Variants in SUSD5 observed in about 807,000 individuals in gnomAD.
The protein encoded by SUSD5 is sushi domain-containing protein 5.
A neutral mutation model predicts 29.5 loss-of-function variants in SUSD5; 33 were observed. The observed-to-expected ratio is 1.12, with a 90% CI of 0.85 to 1.49. The LOEUF is 1.49. Ranked by LOEUF, SUSD5 falls within the 40% of genes most tolerant of loss-of-function variation. SUSD5 has a pLI of 0.00. For synonymous variants in SUSD5, 308 were observed against 325.3 expected (o/e 0.95, Z 0.57); for missense variants, 776 against 800.6 (o/e 0.97, Z 0.37).
At chr3:33,208,184 G>C (rs972249445) in intron 2 of SUSD5, among the ~76,000 whole-genome samples, 1 of 151,870 alleles carries the variant, frequency 6.6e-6, no homozygotes, top group Non-Finnish European at 1.5e-5. Flanking sequence ...AGATTATGTT[G>C]GTTTTTATTT....
intron 3 of SUSD5, among the ~76,000 whole-genome samples, chr3:33,176,380 A>G (rs1412000805): frequency 1.3e-5 from 2 of 152,170 alleles, no homozygotes; most frequent in Non-Finnish European, 2.9e-5. Context: ...TGACTGCTGG[A>G]TTGTATGGGA....
At chr3:33,175,676 T>C (rs975218301) in intron 3 of SUSD5, among the ~76,000 whole-genome samples, 11 of 152,140 alleles carry the variant, frequency 7.2e-5, no homozygotes, top group African/African-American at 2.4e-4. Flanking sequence ...TTGAGTACCC[T>C]GCTTTTAAAA....
intron 3 of SUSD5, among the ~76,000 whole-genome samples, chr3:33,189,937 G>A (rs1242173927): frequency 6.6e-6 from 1 of 152,100 alleles, no homozygotes; most frequent in Non-Finnish European, 1.5e-5. Context: ...ATTTTAAGAT[G>A]ACATTCACCA....
chr3:33,215,109 A>T (rs955402903), intron 1 of SUSD5, among the ~76,000 whole-genome samples: 18 of 152,006 alleles, frequency 1.2e-4, no homozygotes, highest in South Asian at 2.1e-4. Context: ...ACAAAAAAAA[A>T]TTTTAAATAA....
intron 4 of SUSD5, among the ~76,000 whole-genome samples, chr3:33,162,660 T>C (rs962967471): frequency 2.6e-5 from 4 of 152,162 alleles, no homozygotes; most frequent in African/African-American, 7.2e-5. Flanking sequence ...AAAATTTATA[T>C]CCAGGAAGCT....
intron 3 of SUSD5, among the ~76,000 whole-genome samples, chr3:33,198,210 T>C (rs1225295253): frequency 6.6e-6 from 1 of 152,262 alleles, no homozygotes; most frequent in Non-Finnish European, 1.5e-5. Flanking sequence ...GGTGTTACTC[T>C]GTGCTATGCA....
rs191433363 is a variant in SUSD5, at chr3:33,199,519, C to T, written c.409+8289G>A. 7.0e-3 allele frequency among the ~76,000 whole-genome samples: 1,071 copies of T among 152,252 alleles called. 9 individuals carry two copies. Among genetic ancestry groups the T allele is most frequent in the African/African-American group, 0.024 (1,005 of 41,556 alleles). On this transcript the variant is annotated intron_variant, in intron 3 of 4. Coordinates refer to ENST00000309558, the MANE Select transcript of SUSD5 (RefSeq NM_015551.2). ...CGATCTCCTGACCTCGTGATCCGCC[C>T]GCCTCGGCCTCCCAAAGTGCTGGGA...
At chr3:33,186,117 C>A (rs1191874512) in intron 3 of SUSD5, among the ~76,000 whole-genome samples, 1 of 152,064 alleles carries the variant, frequency 6.6e-6, no homozygotes, top group African/African-American at 2.4e-5. Flanking sequence ...TCCTGGCTAA[C>A]ACGGTGAAAC....
chr3:33,172,897 TAA>T (rs2031467181), intron 4 of SUSD5, among the ~76,000 whole-genome samples: 1 of 152,304 alleles, frequency 6.6e-6, no homozygotes, highest in African/African-American at 2.4e-5. Context: ...AAAAAATGTG[TAA>T]GAGTTCACAA....
chr3:33,170,179 A>G (rs1412365470), intron 4 of SUSD5, among the ~76,000 whole-genome samples: 1 of 152,086 alleles, frequency 6.6e-6, no homozygotes, highest in Middle Eastern at 3.2e-3. Flanking sequence ...TTGGCCTCCC[A>G]AAGTGCTGGG....
At chr3:33,170,842 G>A (rs755409844) in intron 4 of SUSD5, among the ~76,000 whole-genome samples, 1 of 152,246 alleles carries the variant, frequency 6.6e-6, no homozygotes, top group South Asian at 2.1e-4. Context: ...AACACACAAG[G>A]AAGTGAGCAG....
At chr3:33,215,799 C>T (rs1224921511) in intron 1 of SUSD5, among the ~76,000 whole-genome samples, 6 of 152,108 alleles carry the variant, frequency 3.9e-5, no homozygotes, top group Non-Finnish European at 7.4e-5. Context: ...TGAAATAAAA[C>T]ATGTCAACTC....
Position 33,218,709 on chromosome 3 carries a change from G to C in SUSD5, c.89C>G (p.Pro30Arg), listed in dbSNP as rs578116304. Residue 30 changes from proline to arginine, a missense_variant, in exon 1 of 5, where the codon CCG (proline) becomes CGG (arginine). Pro to Arg is a moderately radical substitution (Grantham distance 103, BLOSUM62 -2). Transcript: ENST00000309558. Reference sequence around the variant, plus strand: ...ACCATCCGCCCGCACCGAAAGGCGCGGCAGACCGAGCAGGAGCAGCGCCGC... The same window carrying C: ...ACCATCCGCCCGCACCGAAAGGCGCCGCAGACCGAGCAGGAGCAGCGCCGC... ...WAAALLLLGLPRLSVRADGKF... is the reference protein window; with the variant it reads ...WAAALLLLGLRRLSVRADGKF... 5 of 1,323,032 alleles carry C rather than the reference G, an allele frequency of 3.8e-6. No individual in the cohort carries two copies. Among genetic ancestry groups the C allele is most frequent in the Non-Finnish European group, 1.9e-6 (2 of 1,038,544 alleles). 82.0% of individuals were successfully genotyped at this position (1,323,032 alleles called of 1,614,324 possible). A position where few individuals can be genotyped will look rare whatever the true frequency, so the allele number is the denominator to read the frequency against.
chr3:33,194,430 G>C (rs1466448665), intron 3 of SUSD5, among the ~76,000 whole-genome samples: 1 of 152,186 alleles, frequency 6.6e-6, no homozygotes, highest in African/African-American at 2.4e-5. Context: ...TACAAGGGGA[G>C]ATGAGGGCAG....
At chr3:33,199,214 T>TCACACACACACACACA (rs35522769) in intron 3 of SUSD5, among the ~76,000 whole-genome samples, 16 of 147,886 alleles carry the variant, frequency 1.1e-4, no homozygotes, top group African/African-American at 4.0e-4. Flanking sequence ...GGGGAGAATT[T>TCACACACACACACACA]CACACACACA....
Position 33,218,668 on chromosome 3 carries a change from C to T in SUSD5, c.112+18G>A. ...CCCCACGCTCCACCCCCCGCCCCGC[C>T]GCCTCCCGCACACTCACCATCCGCC... On this transcript the variant is annotated intron_variant, in intron 1 of 4. Coordinates refer to ENST00000309558, the MANE Select transcript of SUSD5 (RefSeq NM_015551.2). The T allele has an allele frequency of 7.8e-7, 1 of 1,278,714 alleles. No homozygotes were observed. The highest frequency in any genetic ancestry group is 1.5e-5 in the African/African-American group (1 of 64,732). 79.2% of individuals were successfully genotyped at this position (1,278,714 alleles called of 1,614,324 possible).
intron 4 of SUSD5, among the ~76,000 whole-genome samples, chr3:33,159,896 A>T (rs35310979): frequency 0.093 from 14,164 of 152,280 alleles, 812 homozygotes; most frequent in East Asian, 0.19. Flanking sequence ...GTTCTAAAGA[A>T]GACTGGACAA....
intron 3 of SUSD5, among the ~76,000 whole-genome samples, chr3:33,193,570 G>C (rs2125627407): frequency 6.6e-6 from 1 of 152,132 alleles, no homozygotes; most frequent in East Asian, 1.9e-4. Context: ...CAGGGCTTTA[G>C]GGGTCTGGAG....
chr3:33,214,022 C>T lies in SUSD5; in HGVS notation c.196G>A (p.Ala66Thr), dbSNP rs372361567. 45 of 1,613,538 alleles carry T rather than the reference C, an allele frequency of 2.8e-5. No homozygotes were observed. Among genetic ancestry groups the T allele is most frequent in the Middle Eastern group, 1.6e-4 (1 of 6,072 alleles). ...AARLSCKSRG[A>T]HLASADELRR... ...AGCTCGTCTGCAGATGCCAGGTGAG[C>T]GCCCCTGCTCTTGCAGGAAAGCCGA... is the stretch of plus-strand genomic sequence containing the variant. Residue 66 changes from alanine (A) to threonine (T), a missense_variant, in exon 2 of 5, where the codon GCT (alanine) becomes ACT (threonine). Transcript: ENST00000309558.
Sources: gnomAD v4.1 joint callset for allele counts (sites outside exome capture counted in the v4.1 genomes callset) on GRCh38, gnomAD v4.1.1 for gene constraint, MANE v1.5 for transcripts, NCBI Gene and HGNC (gene_info 2026-07-23, HGNC 2026-07-21) for gene names.